MYO15A: variants seen among roughly 807,000 people sequenced by gnomAD.
MYO15A encodes unconventional myosin-XV.
In MYO15A, 308 loss-of-function variants were observed where a neutral mutation model predicts 394.6. The ratio of observed to expected loss-of-function variants is 0.78; its 90% CI spans 0.71 to 0.86. The LOEUF is 0.86. MYO15A is among the 40% of genes least tolerant of loss of function. The pLI, the probability that MYO15A is intolerant of heterozygous loss-of-function variation, is 0.00. For synonymous variants in MYO15A, 1,957 were observed against 2,003.8 expected, an observed-to-expected ratio of 0.98 and a Z score of 0.62; for missense variants, 4,606 against 4,799.1, an observed-to-expected ratio of 0.96 and a Z score of 1.19.
chr17:18,131,256 C>T lies in MYO15A; in HGVS notation c.4056C>T (p.Pro1352=), dbSNP rs1289645598. 12 of 1,614,084 alleles carry T rather than the reference C, an allele frequency of 7.4e-6. No homozygotes were observed. The highest frequency in any genetic ancestry group is 1.0e-5 in the Non-Finnish European group (12 of 1,179,966). ...GAGTCCAGATCCTGGAGGCAACACC[C>T]CTCTTGGAGTCCTTCGGTAATGCCA... ...MQQIKILEAT[P]LLESFGNAKT... Residue 1352 remains proline, a synonymous_variant, in exon 9 of 66, where the codon CCC becomes CCT. Coordinates refer to ENST00000647165, the MANE Select transcript of MYO15A (RefSeq NM_016239.4).
chr17:18,161,032 C>T, intron 56 of MYO15A: 3 of 562,912 alleles, frequency 5.3e-6, no homozygotes, highest in Non-Finnish European at 6.6e-6. Flanking sequence ...TAGAGAGATC[C>T]CCTACCTGTT....
At chr17:18,128,392 C>G (rs1301193780) in intron 7 of MYO15A, among the ~76,000 whole-genome samples, 1 of 152,130 alleles carries the variant, frequency 6.6e-6, no homozygotes, top group African/African-American at 2.4e-5. Context: ...CAAAGGTTTG[C>G]ACATGGCACA....
At position 18,120,761 on chromosome 17, in the gene MYO15A, T is replaced by G; in HGVS notation, c.1961T>G (p.Leu654Arg). The change falls in exon 2 of 66, where the codon CTC becomes CGC. Residue 654 changes from leucine to arginine, a missense_variant. Physicochemically the swap from Leu to Arg is moderately radical, Grantham distance 102 (BLOSUM62 -2). Transcript: ENST00000647165. ...PPAPQPAPRTLSHWSALLSPP... is the reference protein window; with the variant it reads ...PPAPQPAPRTRSHWSALLSPP... ...GCGCCACAGCCCGCGCCCAGGACCC[T>G]CTCCCACTGGAGCGCGCTCCTGTCT... The G allele has an allele frequency of 6.9e-7, 1 of 1,444,594 alleles. No individual in the cohort carries two copies. The highest frequency in any genetic ancestry group is 9.0e-7 in the Non-Finnish European group (1 of 1,109,350). The allele number at this position is 1,444,594 out of a possible 1,614,324, so 89.5% of individuals were successfully genotyped here. A position where few individuals can be genotyped will look rare whatever the true frequency, so the allele number is the denominator to read the frequency against.
Position 18,142,109 on chromosome 17 carries a change from C to A in MYO15A, c.5680C>A (p.Leu1894Met). 6.2e-7 allele frequency: 1 copy of A among 1,613,582 alleles called. No homozygotes were observed. The highest frequency in any genetic ancestry group is 8.5e-7 in the Non-Finnish European group (1 of 1,180,020). Residue 1894 changes from leucine (L) to methionine (M), a missense_variant, in exon 24 of 66, where the codon CTG becomes ATG. Physicochemically the swap from Leu to Met is conservative, Grantham distance 15. Coordinates refer to ENST00000647165, the MANE Select transcript of MYO15A (RefSeq NM_016239.4). ...CCTTAAGGAACACCTATACCAGCTG[C>A]TGGAGAGTATGCGAGAGCATGTCCT... ...LFLKEHLYQL[L>M]ESMREHVLNL...
intron 53 of MYO15A, 41 bp downstream of exon 53, chr17:18,159,038 G>A (rs781452182): frequency 1.2e-6 from 2 of 1,602,874 alleles, no homozygotes; most frequent in Admixed American, 3.4e-5. Context: ...CTGTAAAATG[G>A]TGATGCAGGG....
chr17:18,112,701 C>G (rs922516774), intron 1 of MYO15A, among the ~76,000 whole-genome samples: 3 of 152,238 alleles, frequency 2.0e-5, no homozygotes, highest in Non-Finnish European at 2.9e-5. Context: ...AGCCAGCGCA[C>G]CTAGCCCACA....
intron 1 of MYO15A, among the ~76,000 whole-genome samples, chr17:18,110,763 T>A (rs1388488958): frequency 6.6e-6 from 1 of 152,258 alleles, no homozygotes; most frequent in African/African-American, 2.4e-5. Flanking sequence ...AGTCCCTGCC[T>A]GCCACCCTGG....
chr17:18,115,922 C>T (rs1021041853), intron 1 of MYO15A, among the ~76,000 whole-genome samples: 2 of 152,206 alleles, frequency 1.3e-5, no homozygotes, highest in African/African-American at 2.4e-5. Context: ...GTCCCTTCCA[C>T]GGCACTTACG....
chr17:18,144,089 G>A, intron 28 of MYO15A, 89 bp downstream of exon 28: 1 of 1,584,334 alleles, frequency 6.3e-7, no homozygotes, highest in Non-Finnish European at 8.6e-7. Flanking sequence ...GCAGGCTCCT[G>A]GCTGTGCCCT....
At position 18,148,258 on chromosome 17, in the gene MYO15A, G is replaced by T; in HGVS notation, c.6691+48G>T. On this transcript the variant is annotated intron_variant, in intron 31 of 65. Coordinates refer to ENST00000647165, the MANE Select transcript of MYO15A (RefSeq NM_016239.4). This position sits in a 1 kb window ranked among gnomAD's most constrained non-coding sequence, Gnocchi z 4.8. ...AGTGAGGGCAGTGGGAGTCAGCAGG[G>T]CCCAGTGAGCCCCGGGGATGGCAGA... 1 of 1,608,298 alleles carries T rather than the reference G, an allele frequency of 6.2e-7. No homozygotes were observed. The highest frequency in any genetic ancestry group is 1.1e-5 in the South Asian group (1 of 90,480).
At position 18,121,155 on chromosome 17, in the gene MYO15A, CCTCGG is replaced by C; in HGVS notation, c.2358_2362del (p.Gly787LeufsTer191). ...AGCCCTCGCTGAGGAGCTCGCCGGG[CCTCGG>C]CTACTGCTCACCCTTGGCGCCCCCG... On this transcript the variant is annotated frameshift_variant, in exon 2 of 66. Transcript: ENST00000647165. LOFTEE classifies it high-confidence loss of function. This position sits in a 1 kb window ranked among gnomAD's most constrained non-coding sequence, Gnocchi z 5.3. The C allele has an allele frequency of 2.0e-6, 3 of 1,513,450 alleles. No homozygotes were observed. The South Asian group carries it at 3.7e-5, about 19-fold the overall frequency. The allele number at this position is 1,513,450 out of a possible 1,614,324, so 93.8% of individuals were successfully genotyped here.
Position 18,142,807 on chromosome 17 carries a change from A to G in MYO15A, c.5877A>G (p.Val1959=). 6.2e-7 allele frequency: 1 copy of G among 1,613,592 alleles called. No individual in the cohort carries two copies. Among genetic ancestry groups the G allele is most frequent in the Non-Finnish European group, 8.5e-7 (1 of 1,179,910 alleles). Residue 1959 remains valine (V), a synonymous_variant, in exon 25 of 66, where the codon GTA becomes GTG. Coordinates refer to ENST00000647165, the MANE Select transcript of MYO15A (RefSeq NM_016239.4). ...RRSLVKFRSL[V]HAYVSRRRYL... is the part of the protein sequence containing the mutation. ...GTCTGGTGAAGTTCCGGTCCCTGGT[A>G]CACGCATACGTGAGCCGCCGACGCT...
Position 18,132,497 on chromosome 17 carries a change from C to G in MYO15A, c.4251C>G (p.Ala1417=), listed in dbSNP as rs764113282. The change falls in exon 11 of 66, where the codon GCC becomes GCG. Residue 1417 remains alanine, a synonymous_variant. Transcript: ENST00000647165. This position sits in a 1 kb window ranked among gnomAD's most constrained non-coding sequence, Gnocchi z 4.6. ...ACCACATCTTCTACGAGTTGCTGGC[C>G]GGGTTGCCTGCCCAGCTCAGGCAGG... The part of the protein sequence containing the change: ...RNYHIFYELL[A]GLPAQLRQAF... 5 of 1,613,840 alleles carry G rather than the reference C, an allele frequency of 3.1e-6. No individual in the cohort carries two copies. Among genetic ancestry groups the G allele is most frequent in the Non-Finnish European group, 4.2e-6 (5 of 1,180,054 alleles).
At position 18,151,156 on chromosome 17, in the gene MYO15A, C is replaced by T. The variant is rs761551085; in HGVS notation, c.7520C>T (p.Pro2507Leu). The change falls in exon 39 of 66, where the codon CCC becomes CTC. Residue 2507 changes from proline (P) to leucine (L), a missense_variant. Pro to Leu is a moderately conservative substitution (Grantham distance 98, BLOSUM62 -3). Coordinates refer to ENST00000647165, the MANE Select transcript of MYO15A (RefSeq NM_016239.4). Reference protein sequence around the residue: ...EAQPTSVGTGPPAKPVLLRAT... With the variant: ...EAQPTSVGTGLPAKPVLLRAT... ...CAGCCGACGTCTGTAGGCACCGGTC[C>T]CCCTGCCAAACCCGTGCTCCTGCGT... The T allele has an allele frequency of 6.2e-7, 1 of 1,614,030 alleles. No homozygotes were observed. Among genetic ancestry groups the T allele is most frequent in the Admixed American group, 1.7e-5 (1 of 60,024 alleles).
Position 18,158,635 on chromosome 17 carries a change from C to G in MYO15A, c.9080C>G (p.Pro3027Arg). The stretch of plus-strand genomic sequence containing the variant: ...TATTTCCGAGACCCTCAGAGGAGAC[C>G]CCAGTGAGTGGCGGCCCCACCCCTC... ...QKYFRDPQRR[P>R]QDGLRLKSKE... is the part of the protein sequence containing the mutation. Residue 3027 changes from proline (P) to arginine (R), a missense_variant, in exon 52 of 66, where the codon CCC (proline) becomes CGC (arginine). Physicochemically the swap from Pro to Arg is moderately radical, Grantham distance 103 (BLOSUM62 -2). Transcript: ENST00000647165. 6.2e-7 allele frequency: 1 copy of G among 1,614,000 alleles called. No homozygotes were observed. The highest frequency in any genetic ancestry group is 1.3e-5 in the African/African-American group (1 of 75,032).
chr17:18,144,982 T>C (rs2046451109), intron 29 of MYO15A, among the ~76,000 whole-genome samples: 1 of 152,070 alleles, frequency 6.6e-6, no homozygotes, highest in African/African-American at 2.4e-5. Context: ...AATTCAGCCC[T>C]GGGCAGGGCC....
chr17:18,126,764 G>GCCAGC, intron 5 of MYO15A, 27 bp from the exon 6 acceptor site: 3 of 1,613,170 alleles, frequency 1.9e-6, no homozygotes, highest in Non-Finnish European at 2.5e-6. Context: ...AGAGGCAGGG[G>GCCAGC]CCAGCTCTAA....
Position 18,155,423 on chromosome 17 carries a change from G to T in MYO15A, c.8450G>T (p.Arg2817Leu). ...GCCGGCGGGCAGCTGCGGGTCCTGC[G>T]TGCATACAGGTGACCAGCAGGGGTG... Reference protein sequence around the residue: ...QEAGGQLRVLRAYSFADILFV... With the variant: ...QEAGGQLRVLLAYSFADILFV... Residue 2817 changes from arginine to leucine, a missense_variant, in exon 47 of 66, where the codon CGT becomes CTT. Physicochemically the swap from Arg to Leu is moderately radical, Grantham distance 102. This residue lies in a region of MYO15A where 2,776 missense variants were observed against 3,109.3 expected (regional missense o/e 0.89). Transcript: ENST00000647165. The T allele has an allele frequency of 2.5e-6, 4 of 1,612,972 alleles. No homozygotes were observed. The highest frequency in any genetic ancestry group is 3.4e-6 in the Non-Finnish European group (4 of 1,179,856).
Position 18,160,042 on chromosome 17 carries a change from C to T in MYO15A, c.9386+25C>T, listed in dbSNP as rs761319059. ...AGTGAGTGAACTGGACTTTACCCCACCATCCCCTCACTGTGTCCATGCTCC... is the reference window on the plus strand; with the variant it reads ...AGTGAGTGAACTGGACTTTACCCCATCATCCCCTCACTGTGTCCATGCTCC... On this transcript the variant is annotated intron_variant, in intron 56 of 65. Coordinates refer to ENST00000647165, the MANE Select transcript of MYO15A (RefSeq NM_016239.4). 4 of 1,601,150 alleles carry T rather than the reference C, an allele frequency of 2.5e-6. No homozygotes were observed. The Admixed American group carries it at 6.7e-5, about 27-fold the overall frequency.
Sources: gnomAD v4.1 joint callset for allele counts (sites outside exome capture counted in the v4.1 genomes callset) on GRCh38, gnomAD v4.1.1 for gene constraint, gnomAD v4.1.1 regional missense constraint, Gnocchi (gnomAD v3.1) non-coding constraint, MANE v1.5 for transcripts, NCBI Gene and HGNC (gene_info 2026-07-23, HGNC 2026-07-21) for gene names.